DRC8: variants seen among roughly 807,000 people sequenced by gnomAD.
The protein encoded by DRC8 is dynein regulatory complex subunit 8, also known as dynein regulatory complex protein 8.
chr1:245,015,921 C>T, the DRC8 span, among the ~76,000 whole-genome samples: 1 of 147,388 alleles, frequency 6.8e-6, no homozygotes, highest in Non-Finnish European at 1.5e-5. Flanking sequence ...GGCTTCTCAT[C>T]TCATTCAGAG....
chr1:245,061,062 G>T, the DRC8 span, among the ~76,000 whole-genome samples: 4,219 of 152,266 alleles, frequency 0.028, 194 homozygotes, highest in African/African-American at 0.096. Context: ...TGATCTATGG[G>T]CTTCTGTGCC....
chr1:245,107,619 C>T, the DRC8 span, among the ~76,000 whole-genome samples: 14 of 152,300 alleles, frequency 9.2e-5, no homozygotes, highest in South Asian at 1.7e-3. Context: ...TGCTGTCTGA[C>T]GCAGCCTCCC....
chr1:244,997,466 C>G, the DRC8 span, among the ~76,000 whole-genome samples: 1 of 151,736 alleles, frequency 6.6e-6, no homozygotes, highest in African/African-American at 2.4e-5. Context: ...CTTCCAATTC[C>G]AAATCATTGT....
the DRC8 span, among the ~76,000 whole-genome samples, chr1:245,077,780 A>G: frequency 6.6e-6 from 1 of 152,318 alleles, no homozygotes; most frequent in South Asian, 2.1e-4. Context: ...AGAAGAAAAC[A>G]TAGGGAAAAT....
At chr1:245,090,599 T>C in the DRC8 span, among the ~76,000 whole-genome samples, 1 of 152,190 alleles carries the variant, frequency 6.6e-6, no homozygotes, top group Admixed American at 6.5e-5. Flanking sequence ...AGTAAGTGGC[T>C]GTATCAGCTT....
the DRC8 span, among the ~76,000 whole-genome samples, chr1:245,078,951 C>T: frequency 6.6e-6 from 1 of 152,066 alleles, no homozygotes; most frequent in Admixed American, 6.6e-5. Context: ...ATTTGTCCAT[C>T]ATACCTCAGT....
chr1:245,082,138 T>C, the DRC8 span: 11 of 1,612,868 alleles, frequency 6.8e-6, no homozygotes, highest in Middle Eastern at 3.3e-4. Flanking sequence ...CTTCCGGTGA[T>C]GACAGAAATA....
chr1:245,097,957 G>C, the DRC8 span, among the ~76,000 whole-genome samples: 1 of 152,182 alleles, frequency 6.6e-6, no homozygotes, highest in African/African-American at 2.4e-5. This position sits in a 1 kb window ranked among gnomAD's most constrained non-coding sequence, Gnocchi z 5.0. Context: ...TTGTGGGCCA[G>C]GAAAGGATTT....
the DRC8 span, among the ~76,000 whole-genome samples, chr1:245,120,027 G>T: frequency 6.6e-6 from 1 of 152,070 alleles, no homozygotes; most frequent in Non-Finnish European, 1.5e-5. Flanking sequence ...AGAGGCTGTT[G>T]GCCATTTAGT....
chr1:245,010,775 G>A, the DRC8 span, among the ~76,000 whole-genome samples: 9 of 147,780 alleles, frequency 6.1e-5, no homozygotes, highest in East Asian at 1.0e-3. Flanking sequence ...TCTGCCTTCC[G>A]GGTTCACGCC....
the DRC8 span, among the ~76,000 whole-genome samples, chr1:244,996,395 C>T: frequency 1.3e-5 from 2 of 152,070 alleles, no homozygotes; most frequent in East Asian, 1.9e-4. Context: ...GGGGACTGCA[C>T]GAATGTGTGA....
chr1:245,002,057 T>C, the DRC8 span: 1 of 1,314,802 alleles, frequency 7.6e-7, no homozygotes. Flanking sequence ...TTTCATCACG[T>C]AATCACTCAT....
chr1:244,992,029 C>T, the DRC8 span, among the ~76,000 whole-genome samples: 8 of 152,172 alleles, frequency 5.3e-5, no homozygotes, highest in Non-Finnish European at 8.8e-5. Context: ...CTGGAAACTG[C>T]AATAAGCTTT....
the DRC8 span, among the ~76,000 whole-genome samples, chr1:244,972,667 A>G: frequency 6.6e-6 from 1 of 152,034 alleles, no homozygotes; most frequent in Non-Finnish European, 1.5e-5. Flanking sequence ...AAAATACAAA[A>G]ATTAGCTGGG....
the DRC8 span, among the ~76,000 whole-genome samples, chr1:244,984,034 A>T: frequency 0.53 from 79,889 of 151,606 alleles, 23,390 homozygotes; most frequent in East Asian, 0.75. Flanking sequence ...AGCTCACTGC[A>T]GCCTCAAACT....
the DRC8 span, among the ~76,000 whole-genome samples, chr1:244,977,655 A>G: frequency 1.3e-5 from 2 of 151,800 alleles, no homozygotes; most frequent in African/African-American, 2.4e-5. Flanking sequence ...TAAACTCTCT[A>G]TTTCTTAAAA....
chr1:245,117,607 G>T, the DRC8 span, among the ~76,000 whole-genome samples: 264 of 151,680 alleles, frequency 1.7e-3, 1 homozygote, highest in Non-Finnish European at 2.9e-3. Context: ...ATTTTTAGTA[G>T]AGATGAAGTT....
At chr1:245,093,574 T>C in the DRC8 span, among the ~76,000 whole-genome samples, 1 of 151,458 alleles carries the variant, frequency 6.6e-6, no homozygotes, top group Non-Finnish European at 1.5e-5. Flanking sequence ...GGTGCACTTA[T>C]AATCCCAGCT....
the DRC8 span, among the ~76,000 whole-genome samples, chr1:245,037,002 AAGAT>A: frequency 6.6e-6 from 1 of 152,256 alleles, no homozygotes; most frequent in African/African-American, 2.4e-5. Context: ...TGATCTCACA[AAGAT>A]AGAAACTCTA....
Sources: gnomAD v4.1 joint callset for allele counts (sites outside exome capture counted in the v4.1 genomes callset) on GRCh38, gnomAD v4.1.1 for gene constraint, Gnocchi (gnomAD v3.1) non-coding constraint, MANE v1.5 for transcripts, NCBI Gene and HGNC (gene_info 2026-07-23, HGNC 2026-07-21) for gene names.